The following UCK2 variants were observed in gnomAD, a reference collection of about 807,000 sequenced individuals.
UCK2 encodes uridine-cytidine kinase 2.
A neutral mutation model predicts 30.8 loss-of-function variants in UCK2; 6 were observed. The observed-to-expected ratio is 0.19, with a 90% CI of 0.11 to 0.38. UCK2 has a LOEUF of 0.38. UCK2 is among the 10% of genes least tolerant of loss of function. UCK2 has a pLI of 1.00. For missense variants in UCK2, 210 were observed against 339.8 expected (o/e 0.62, Z 3.00); for synonymous variants, 125 against 133.6 (o/e 0.94, Z 0.45).
At chr1:165,906,031 G>T in intron 6 of UCK2, 62 bp downstream of exon 6, 2 of 1,539,056 alleles carry the variant, frequency 1.3e-6, no homozygotes, top group Non-Finnish European at 1.8e-6. Flanking sequence ...TCATAATTTG[G>T]GGCAGGATGT....
At chr1:165,880,144 G>C (rs970784843) in intron 1 of UCK2, among the ~76,000 whole-genome samples, 4 of 152,144 alleles carry the variant, frequency 2.6e-5, no homozygotes, top group African/African-American at 9.7e-5. Flanking sequence ...GGAAAGATTC[G>C]GCAGAGGATC....
At chr1:165,845,380 G>A (rs970970446) in intron 1 of UCK2, among the ~76,000 whole-genome samples, 4 of 152,146 alleles carry the variant, frequency 2.6e-5, no homozygotes, top group African/African-American at 9.7e-5. Context: ...TCCTCATAAA[G>A]CTTTTCCTTT....
chr1:165,891,033 T>G, intron 2 of UCK2, 193 bp from the exon 3 acceptor site: 1 of 560,214 alleles, frequency 1.8e-6, no homozygotes, highest in Non-Finnish European at 3.2e-6. Flanking sequence ...TCAGAACTCA[T>G]TTATACACCC....
Position 165,876,981 on chromosome 1 carries a change from A to T in UCK2, c.100-13223A>T, listed in dbSNP as rs148169570. On this transcript the variant is annotated intron_variant, in intron 1 of 6. Transcript: ENST00000367879. ...GGATGATCTCATCTCAAGATATTTA[A>T]CTTAATTACATGTGCAAAGACCTTT... 5.3e-3 allele frequency among the ~76,000 whole-genome samples: 801 copies of T among 152,294 alleles called. 8 individuals are homozygous for T. Among genetic ancestry groups the T allele is most frequent in the African/African-American group, 0.018 (733 of 41,558 alleles).
At chr1:165,896,513 A>G (rs1356518147) in intron 4 of UCK2, among the ~76,000 whole-genome samples, 181 bp downstream of exon 4, 1 of 152,206 alleles carries the variant, frequency 6.6e-6, no homozygotes, top group Non-Finnish European at 1.5e-5. Flanking sequence ...TGCTGCCCAG[A>G]CACTTGGTAA....
intron 1 of UCK2, among the ~76,000 whole-genome samples, chr1:165,859,717 C>T (rs934943609): frequency 2.0e-5 from 3 of 152,230 alleles, no homozygotes; most frequent in Non-Finnish European, 4.4e-5. Context: ...GTCCTAGCTA[C>T]TGGGTGGGGA....
intron 1 of UCK2, among the ~76,000 whole-genome samples, chr1:165,867,074 A>G (rs1655066539): frequency 6.6e-6 from 1 of 152,244 alleles, no homozygotes; most frequent in Non-Finnish European, 1.5e-5. Flanking sequence ...CGTAAAAGTT[A>G]TGTTTACACT....
chr1:165,828,376 C>T (rs1410165200), intron 1 of UCK2, among the ~76,000 whole-genome samples: 3 of 152,126 alleles, frequency 2.0e-5, no homozygotes, highest in South Asian at 2.1e-4. Flanking sequence ...AGCCTGGTGC[C>T]GAGGGCGGAG....
intron 1 of UCK2, among the ~76,000 whole-genome samples, chr1:165,864,521 A>G (rs1416935800): frequency 6.6e-6 from 1 of 152,226 alleles, no homozygotes; most frequent in Non-Finnish European, 1.5e-5. Flanking sequence ...AGTATAAAGA[A>G]GAAAAAACTT....
chr1:165,880,399 C>A (rs1008963163), intron 1 of UCK2, among the ~76,000 whole-genome samples: 5 of 152,178 alleles, frequency 3.3e-5, no homozygotes, highest in Non-Finnish European at 5.9e-5. Flanking sequence ...TCTTAACGCT[C>A]AAGTAAAAGG....
Position 165,907,901 on chromosome 1 carries a change from T to A in UCK2, c.*78T>A. The A allele has an allele frequency of 6.6e-7, 1 of 1,519,796 alleles. No individual in the cohort carries two copies. The highest frequency in any genetic ancestry group is 8.9e-7 in the Non-Finnish European group (1 of 1,127,388). 94.1% of individuals were successfully genotyped at this position (1,519,796 alleles called of 1,614,324 possible). A position where few individuals can be genotyped will look rare whatever the true frequency, so the allele number is the denominator to read the frequency against. Reference sequence around the variant, plus strand: ...GGAGGCACTGCTCATCTGTACATACTGTTTCCTATGACATTACTGTATTTA... The same window carrying A: ...GGAGGCACTGCTCATCTGTACATACAGTTTCCTATGACATTACTGTATTTA... On this transcript the variant is annotated 3_prime_UTR_variant, in exon 7 of 7. Coordinates refer to ENST00000367879, the MANE Select transcript of UCK2 (RefSeq NM_012474.5).
At chr1:165,888,018 C>G (rs1655663652) in intron 1 of UCK2, among the ~76,000 whole-genome samples, 1 of 152,146 alleles carries the variant, frequency 6.6e-6, no homozygotes, top group Non-Finnish European at 1.5e-5. Flanking sequence ...TCCAAAGATC[C>G]TTACTTAGTC....
chr1:165,882,330 A>G (rs1227081795), intron 1 of UCK2, among the ~76,000 whole-genome samples: 1 of 152,186 alleles, frequency 6.6e-6, no homozygotes, highest in Non-Finnish European at 1.5e-5. Context: ...TTTCAAGAGA[A>G]CGTTTCTACC....
At chr1:165,860,413 A>G (rs1266944722) in intron 1 of UCK2, among the ~76,000 whole-genome samples, 2 of 152,030 alleles carry the variant, frequency 1.3e-5, no homozygotes, top group African/African-American at 2.4e-5. Flanking sequence ...GCAGTTGTGC[A>G]TGATGTTTGT....
At chr1:165,885,926 T>A (rs1279054417) in intron 1 of UCK2, among the ~76,000 whole-genome samples, 1 of 152,226 alleles carries the variant, frequency 6.6e-6, no homozygotes, top group African/African-American at 2.4e-5. Context: ...ACATAAAATT[T>A]ACCATCGTAA....
chr1:165,874,895 G>A (rs542836068), intron 1 of UCK2, among the ~76,000 whole-genome samples: 2 of 152,218 alleles, frequency 1.3e-5, no homozygotes, highest in East Asian at 3.9e-4. Flanking sequence ...TTCTTTCCTG[G>A]TACATAATGT....
rs186596852 is a variant in UCK2 at position 165,896,064 on chromosome 1, C to G, written c.357-126C>G. 1,189 of 1,239,784 alleles carry G rather than the reference C, an allele frequency of 9.6e-4. 11 individuals carry two copies. The African/African-American group carries it at 0.016, about 16-fold the overall frequency. 76.8% of individuals were successfully genotyped at this position (1,239,784 alleles called of 1,614,324 possible). On this transcript the variant is annotated intron_variant, in intron 3 of 6. Coordinates refer to ENST00000367879, the MANE Select transcript of UCK2 (RefSeq NM_012474.5). Reference sequence around the variant, plus strand: ...AAGACCATATTAGCCAAGTCTTTAGCCCCCGCTTGAAGTCTGTGGGGGCAA... The same window carrying G: ...AAGACCATATTAGCCAAGTCTTTAGGCCCCGCTTGAAGTCTGTGGGGGCAA...
chr1:165,867,091 T>C (rs1655067085), intron 1 of UCK2, among the ~76,000 whole-genome samples: 1 of 152,256 alleles, frequency 6.6e-6, no homozygotes, highest in African/African-American at 2.4e-5. Flanking sequence ...CACTATACTA[T>C]AGTCAATTGA....
chr1:165,905,765 G>T (rs1647638794), intron 5 of UCK2, among the ~76,000 whole-genome samples, 156 bp from the exon 6 acceptor site: 1 of 152,162 alleles, frequency 6.6e-6, no homozygotes, highest in Non-Finnish European at 1.5e-5. Flanking sequence ...TGCATTCACT[G>T]TGAAGTTGTA....
Sources: allele counts gnomAD v4.1 joint callset (sites outside exome capture counted in the v4.1 genomes callset), GRCh38; gene constraint gnomAD v4.1.1; transcripts MANE v1.5; gene names NCBI Gene and HGNC (gene_info 2026-07-23, HGNC 2026-07-21).